Variants in ZNF730 observed in about 807,000 individuals in gnomAD.
ZNF730 encodes the protein zinc finger protein 730.
A neutral mutation model predicts 12.6 loss-of-function variants in ZNF730; 12 were observed. The observed-to-expected ratio is 0.95, with a 90% CI of 0.61 to 1.54. The LOEUF (loss-of-function observed/expected upper bound fraction) is 1.54, where lower values mean the gene tolerates loss of function less well. ZNF730 is among the 40% of genes most tolerant of loss of function. The pLI is 0.00. For synonymous variants in ZNF730, 194 were observed against 195.8 expected (o/e 0.99, Z 0.08); for missense variants, 643 against 583.5 (o/e 1.10, Z -1.05).
chr19:23,104,301 C>CAAAAAAAAAAAAAAAAAAAAAAAAAA (rs56332917), intron 1 of ZNF730, among the ~76,000 whole-genome samples: 1 of 95,890 alleles, frequency 1.0e-5, no homozygotes. Flanking sequence ...GACTCCATCT[C>CAAAAAAAAAAAAAAAAAAAAAAAAAA]AAAAAAAAAA....
At chr19:23,139,871 T>C (rs961781230) in intron 3 of ZNF730, among the ~76,000 whole-genome samples, 2 of 152,200 alleles carry the variant, frequency 1.3e-5, no homozygotes, top group Non-Finnish European at 2.9e-5. Context: ...CCAGATTTTA[T>C]GAGTAAGCAT....
In ZNF730 at chr19:23,101,281, TCA is replaced by T. The variant is rs1011840089; in HGVS notation, c.-94+25896_-94+25897del. Among the ~76,000 whole-genome samples the T allele has an allele frequency of 3.1e-4, 47 of 152,240 alleles. 1 individual carries two copies. Among genetic ancestry groups the T allele is most frequent in the South Asian group, 8.3e-4 (4 of 4,818 alleles). On this transcript the variant is annotated intron_variant, in intron 1 of 2. Transcript: ENST00000593635. ...CTGTGAAAAGTTGAATAATTGACTCTCACGTGGATCTGGACTAGAGGTGGACT... is the reference window on the plus strand; with the variant it reads ...CTGTGAAAAGTTGAATAATTGACTCTCGTGGATCTGGACTAGAGGTGGACT...
rs563989195 is a variant in ZNF730 at position 23,131,381 on chromosome 19, C to T, written c.4-2699C>T. 3.9e-5 allele frequency among the ~76,000 whole-genome samples: 6 copies of T among 152,302 alleles called. No homozygotes were observed. The East Asian group carries it at 9.6e-4, about 24-fold the overall frequency. ...TCCTGTAATGTGCTATCACAGTGCC[C>T]TGTAGCATCTTATTGAGCTTGTAGT... On this transcript the variant is annotated intron_variant, in intron 1 of 3. Transcript: ENST00000597761.
intron 1 of ZNF730, 138 bp downstream of exon 1, chr19:23,117,314 A>G (rs1388006446): frequency 6.6e-7 from 1 of 1,514,682 alleles, no homozygotes; most frequent in Non-Finnish European, 9.1e-7. Context: ...GCTCGGCCTC[A>G]GTCCCCTTCA....
intron 3 of ZNF730, among the ~76,000 whole-genome samples, chr19:23,137,304 G>C (rs1599599485): frequency 6.6e-6 from 1 of 151,276 alleles, no homozygotes; most frequent in East Asian, 1.9e-4. Context: ...ATATTTTTTA[G>C]TTCCTTGGTT....
chr19:23,103,429 C>A (rs1276812843), intron 1 of ZNF730, among the ~76,000 whole-genome samples: 3 of 152,152 alleles, frequency 2.0e-5, no homozygotes, highest in Admixed American at 6.5e-5. Context: ...ACGGTTATAA[C>A]AGATTGTTGC....
At chr19:23,135,694 G>A (rs951040842) in intron 2 of ZNF730, among the ~76,000 whole-genome samples, 17 of 152,114 alleles carry the variant, frequency 1.1e-4, no homozygotes, top group South Asian at 1.0e-3. Context: ...CGTATTTTTA[G>A]TAGAGACAGG....
chr19:23,133,707 T>G (rs1235537455), intron 1 of ZNF730, among the ~76,000 whole-genome samples: 3 of 152,218 alleles, frequency 2.0e-5, no homozygotes, highest in Non-Finnish European at 4.4e-5. Context: ...TTCAGTTTAT[T>G]GTAGACATTA....
chr19:23,126,172 A>C (rs1247209194), intron 1 of ZNF730, among the ~76,000 whole-genome samples: 3 of 152,228 alleles, frequency 2.0e-5, no homozygotes, highest in African/African-American at 7.2e-5. Context: ...AAAGGCAATA[A>C]AGGCAATCTT....
rs576240723 is a variant in ZNF730 at position 23,132,416 on chromosome 19, G to C, written c.4-1664G>C. Among the ~76,000 whole-genome samples the C allele has an allele frequency of 2.6e-4, 40 of 152,154 alleles. No individual in the cohort carries two copies. In the South Asian group the frequency reaches 8.1e-3, roughly 31 times the overall value. ...CTTGCCAAACTTTAATTCTCTACTT[G>C]TGCTTTTCCTCTTAAATGAGTTTGT... is the stretch of plus-strand genomic sequence containing the variant. On this transcript the variant is annotated intron_variant, in intron 1 of 3. Transcript: ENST00000597761.
intron 1 of ZNF730, among the ~76,000 whole-genome samples, chr19:23,132,189 T>G (rs910237284): frequency 6.6e-6 from 1 of 152,084 alleles, no homozygotes; most frequent in Non-Finnish European, 1.5e-5. Context: ...TACCTATGAG[T>G]GTGGTGGTAG....
intron 2 of ZNF730, among the ~76,000 whole-genome samples, chr19:23,134,598 G>T (rs1433003538): frequency 5.3e-4 from 5 of 9,512 alleles, no homozygotes; most frequent in South Asian, 4.5e-3. Context: ...CTGGAGGGTG[G>T]GGGGGGGGGT....
At chr19:23,126,381 CA>C (rs377143551) in intron 1 of ZNF730, among the ~76,000 whole-genome samples, 23 of 152,318 alleles carry the variant, frequency 1.5e-4, no homozygotes, top group African/African-American at 4.8e-4. Context: ...CACAGTGCGG[CA>C]TTACACCACA....
chr19:23,118,321 G>C (rs1307207416), intron 1 of ZNF730, among the ~76,000 whole-genome samples: 2 of 150,442 alleles, frequency 1.3e-5, no homozygotes, highest in African/African-American at 4.9e-5. Flanking sequence ...TCTCCCCTAG[G>C]CACAGAGATC....
upstream of ZNF730, among the ~76,000 whole-genome samples, chr19:23,114,288 GTTTTTCTTTTTCTTTTCTT>G (rs1419684801): frequency 8.5e-5 from 4 of 46,896 alleles, no homozygotes; most frequent in East Asian, 3.3e-3. Flanking sequence ...ATCTAAAGTT[GTTTTTCTTTTTCTTTTCTT>G]TTTTTTTTTT....
intron 1 of ZNF730, among the ~76,000 whole-genome samples, chr19:23,079,980 G>T (rs993238913): frequency 1.3e-5 from 2 of 152,070 alleles, no homozygotes; most frequent in East Asian, 1.9e-4. Flanking sequence ...AACTCTTGCT[G>T]TATCTCCCAG....
At chr19:23,097,547 A>G (rs1013951363) in intron 1 of ZNF730, among the ~76,000 whole-genome samples, 6 of 152,130 alleles carry the variant, frequency 3.9e-5, no homozygotes, top group South Asian at 2.1e-4. Flanking sequence ...CCCAGCACCA[A>G]TGTAATTTGT....
intron 1 of ZNF730, among the ~76,000 whole-genome samples, chr19:23,080,069 C>T (rs1969937434): frequency 6.6e-6 from 1 of 151,904 alleles, no homozygotes; most frequent in Non-Finnish European, 1.5e-5. Context: ...CCTCAGCCTC[C>T]TGAGTAGCTG....
intron 1 of ZNF730, among the ~76,000 whole-genome samples, chr19:23,132,793 A>G (rs1970761527): frequency 1.3e-5 from 2 of 152,222 alleles, no homozygotes; most frequent in South Asian, 4.1e-4. Flanking sequence ...TTCTGAAAAA[A>G]ATTATTAGGA....
Sources: gnomAD v4.1 joint callset for allele counts (sites outside exome capture counted in the v4.1 genomes callset) on GRCh38, gnomAD v4.1.1 for gene constraint, MANE v1.5 for transcripts, NCBI Gene and HGNC (gene_info 2026-07-23, HGNC 2026-07-21) for gene names.